The following PDE7A variants were observed in gnomAD, a reference collection of about 807,000 sequenced individuals.
PDE7A encodes phosphodiesterase 7A.
PDE7A carries 39 observed loss-of-function variants against 64.3 expected under a neutral mutation model. The observed-to-expected ratio is 0.61, with a 90% CI of 0.47 to 0.79. The LOEUF (loss-of-function observed/expected upper bound fraction) is 0.79, where lower values mean the gene tolerates loss of function less well. PDE7A is among the 30% of genes least tolerant of loss of function. The probability of loss-of-function intolerance (pLI) is 0.00; values close to 1 mark genes in which losing one functional copy is unlikely to be tolerated. For synonymous variants in PDE7A, 203 were observed against 206.8 expected, an observed-to-expected ratio of 0.98 and a Z score of 0.16; for missense variants, 470 against 582.8, an observed-to-expected ratio of 0.81 and a Z score of 1.99.
chr8:65,817,548 T>C (rs950697011), intron 1 of PDE7A, among the ~76,000 whole-genome samples: 1 of 152,202 alleles, frequency 6.6e-6, no homozygotes, highest in African/African-American at 2.4e-5. Context: ...TTTGATCTCC[T>C]CTGCCCTGTA....
intron 3 of PDE7A, among the ~76,000 whole-genome samples, chr8:65,764,120 C>G (rs1031307111): frequency 1.6e-4 from 25 of 152,142 alleles, no homozygotes; most frequent in Non-Finnish European, 2.4e-4. Context: ...CTAATCTCTA[C>G]AAGCACCACT....
intron 3 of PDE7A, among the ~76,000 whole-genome samples, chr8:65,763,603 T>G (rs540721962): frequency 6.6e-6 from 1 of 152,268 alleles, no homozygotes; most frequent in East Asian, 1.9e-4. Flanking sequence ...TGTTATGGGT[T>G]AGGCATATTT....
chr8:65,840,974 G>A (rs1398046049), intron 1 of PDE7A, among the ~76,000 whole-genome samples: 1 of 152,250 alleles, frequency 6.6e-6, no homozygotes, highest in African/African-American at 2.4e-5. Context: ...GTACAGTTGT[G>A]TGTATGGGAA....
intron 1 of PDE7A, among the ~76,000 whole-genome samples, chr8:65,821,564 T>C (rs1810542411): frequency 6.6e-6 from 1 of 152,224 alleles, no homozygotes; most frequent in African/African-American, 2.4e-5. Flanking sequence ...AACCCTGTAA[T>C]ATATTGCTAC....
At chr8:65,723,108 G>C (rs1251688654) in intron 12 of PDE7A, 1 of 153,704 alleles carries the variant, frequency 6.5e-6, no homozygotes, top group Non-Finnish European at 1.4e-5. Flanking sequence ...AACAGGCAGT[G>C]GTAAGAGTCT....
At chr8:65,734,234 A>G (rs1422616921) in intron 7 of PDE7A, among the ~76,000 whole-genome samples, 1 of 152,148 alleles carries the variant, frequency 6.6e-6, no homozygotes, top group East Asian at 1.9e-4. Context: ...ACCAGTCTTC[A>G]CTGACTTCTG....
chr8:65,828,112 G>A lies in PDE7A; in HGVS notation c.138+13259C>T, dbSNP rs1307257828. 2.0e-5 allele frequency among the ~76,000 whole-genome samples: 3 copies of A among 151,730 alleles called. No homozygotes were observed. In the East Asian group the frequency reaches 5.8e-4, roughly 29 times the overall value. On this transcript the variant is annotated intron_variant, in intron 1 of 12. Coordinates refer to ENST00000401827, the MANE Select transcript of PDE7A (RefSeq NM_001242318.3). ...TTTAAAGGGACTATTTCAAAAAATA[G>A]CTTTGTCGATTTCTGAAATAGATAT...
chr8:65,803,969 T>C (rs1397278342), intron 1 of PDE7A, among the ~76,000 whole-genome samples: 1 of 152,082 alleles, frequency 6.6e-6, no homozygotes, highest in African/African-American at 2.4e-5. Flanking sequence ...CACATACACA[T>C]TCTAGAAAAA....
chr8:65,731,341 G>A (rs1049148686), intron 7 of PDE7A, among the ~76,000 whole-genome samples: 5 of 152,206 alleles, frequency 3.3e-5, no homozygotes, highest in Admixed American at 2.6e-4. Flanking sequence ...AGGCTCTTTT[G>A]TCAACTGCCA....
chr8:65,780,863 C>T (rs1805200967), intron 2 of PDE7A: 1 of 152,244 alleles, frequency 6.6e-6, no homozygotes, highest in African/African-American at 2.4e-5. Flanking sequence ...CTGAGTAGGA[C>T]CATGACTTCC....
In PDE7A at chr8:65,794,701, G is replaced by A. The variant is rs372353366; in HGVS notation, c.139-11858C>T. Among the ~76,000 whole-genome samples the A allele has an allele frequency of 1.1e-4, 16 of 152,136 alleles. No individual in the cohort carries two copies. In the East Asian group the frequency reaches 1.4e-3, roughly 13 times the overall value. On this transcript the variant is annotated intron_variant, in intron 1 of 12. Coordinates refer to ENST00000401827, the MANE Select transcript of PDE7A (RefSeq NM_001242318.3). ...TCTCCACATATAACATTGCAAAAGA[G>A]AGAGACACACACACAGAGATTGAGA...
chr8:65,784,452 T>C (rs1326467242), intron 1 of PDE7A, among the ~76,000 whole-genome samples: 4 of 152,164 alleles, frequency 2.6e-5, no homozygotes, highest in Non-Finnish European at 4.4e-5. Flanking sequence ...CTCCAAAATA[T>C]ATTACACATG....
chr8:65,787,473 C>T (rs1563507603), intron 1 of PDE7A, among the ~76,000 whole-genome samples: 1 of 152,138 alleles, frequency 6.6e-6, no homozygotes, highest in Non-Finnish European at 1.5e-5. Flanking sequence ...TCAGAGTAGT[C>T]ATCTTACATA....
At chr8:65,785,569 C>T (rs1032108702) in intron 1 of PDE7A, among the ~76,000 whole-genome samples, 1 of 152,122 alleles carries the variant, frequency 6.6e-6, no homozygotes, top group African/African-American at 2.4e-5. Flanking sequence ...CCCTCCCCAA[C>T]ATATTTAGCT....
intron 1 of PDE7A, among the ~76,000 whole-genome samples, chr8:65,807,732 A>G (rs1244634106): frequency 6.6e-6 from 1 of 152,210 alleles, no homozygotes; most frequent in Non-Finnish European, 1.5e-5. Flanking sequence ...TGGTTTTATC[A>G]TAAAATGGTG....
intron 1 of PDE7A, among the ~76,000 whole-genome samples, chr8:65,839,041 T>C (rs1419111015): frequency 1.3e-5 from 2 of 152,212 alleles, no homozygotes; most frequent in Non-Finnish European, 2.9e-5. Flanking sequence ...TATTTAAAAC[T>C]GATGCTCAGT....
At position 65,736,888 on chromosome 8, in the gene PDE7A, C is replaced by CT. The variant is rs35543290; in HGVS notation, c.596-1995dup. ...TGGCTGTACATTCTTGGTATTGAGG[C>CT]TTTTTTTTTTTTGAGATGGAGTCTC... On this transcript the variant is annotated intron_variant, in intron 6 of 12. Coordinates refer to ENST00000401827, the MANE Select transcript of PDE7A (RefSeq NM_001242318.3). 1.1e-3 allele frequency among the ~76,000 whole-genome samples: 149 copies of CT among 133,754 alleles called. 1 individual carries two copies. Among genetic ancestry groups the CT allele is most frequent in the South Asian group, 2.5e-3 (10 of 3,992 alleles). 87.7% of individuals were successfully genotyped at this position (133,754 alleles called of 152,430 possible).
intron 5 of PDE7A, among the ~76,000 whole-genome samples, chr8:65,740,399 T>C (rs1807361997): frequency 1.3e-5 from 2 of 151,890 alleles, no homozygotes; most frequent in African/African-American, 4.8e-5. Flanking sequence ...AGCCCTCAAG[T>C]TTCCTTTTCT....
At chr8:65,779,599 TA>T (rs954907315) in intron 3 of PDE7A, 120 bp downstream of exon 3, 2 of 572,182 alleles carry the variant, frequency 3.5e-6, no homozygotes, top group East Asian at 5.8e-5. Flanking sequence ...ACCTAGGTTT[TA>T]AAAACATTCC....
Sources: allele counts gnomAD v4.1 joint callset (sites outside exome capture counted in the v4.1 genomes callset), GRCh38; gene constraint gnomAD v4.1.1; transcripts MANE v1.5; gene names NCBI Gene and HGNC (gene_info 2026-07-23, HGNC 2026-07-21).